Variants in ATP7A observed in about 807,000 individuals in gnomAD.
The protein encoded by ATP7A is ATPase copper transporting alpha.
In ATP7A, 7 loss-of-function variants were observed where a neutral mutation model predicts 83.5. That is an observed-to-expected ratio of 0.08 (90% CI 0.05 to 0.16). The LOEUF is 0.16. Ranked by LOEUF, ATP7A falls within the 10% of genes least tolerant of loss-of-function variation. ATP7A has a pLI of 1.00. For missense variants in ATP7A, 940 were observed against 1,120.8 expected (o/e 0.84, Z 2.30); for synonymous variants, 354 against 395.2 (o/e 0.90, Z 1.24).
chrX:77,913,667 G>T (rs1217039855), intron 1 of ATP7A, among the ~76,000 whole-genome samples: 1 of 112,157 alleles, frequency 8.9e-6, no homozygotes, highest in Non-Finnish European at 1.9e-5. Context: ...TTCCAGCACT[G>T]TTTGCAAATT....
At chrX:77,977,437 G>T (rs142748544) in intron 2 of ATP7A, among the ~76,000 whole-genome samples, 3 of 112,336 alleles carry the variant, frequency 2.7e-5, no homozygotes, top group Non-Finnish European at 5.6e-5. Flanking sequence ...TCCACTGACA[G>T]CTAAAGTATT....
chrX:78,036,732 T>G (rs781809282), intron 17 of ATP7A, among the ~76,000 whole-genome samples: 1 of 110,411 alleles, frequency 9.1e-6, no homozygotes, highest in East Asian at 2.9e-4. Flanking sequence ...AATACAGAAA[T>G]TAGTCGGGCG....
intron 17 of ATP7A, among the ~76,000 whole-genome samples, chrX:78,038,521 T>G (rs1428455124): frequency 4.5e-5 from 5 of 111,755 alleles, no homozygotes; most frequent in African/African-American, 1.6e-4. Flanking sequence ...TTGATTGAAT[T>G]TTTATGGAAG....
At chrX:77,955,216 T>C (rs982293550) in intron 1 of ATP7A, among the ~76,000 whole-genome samples, 1 of 111,908 alleles carries the variant, frequency 8.9e-6, no homozygotes, top group African/African-American at 3.2e-5. Context: ...ACAAAAACAA[T>C]GTATAACATT....
At chrX:77,959,371 TC>T (rs782757652) in intron 1 of ATP7A, among the ~76,000 whole-genome samples, 1 of 112,185 alleles carries the variant, frequency 8.9e-6, no homozygotes, top group Non-Finnish European at 1.9e-5. Flanking sequence ...AACTTTTTTT[TC>T]TAAACTATGT....
At chrX:77,973,684 G>T (rs2077561170) in intron 2 of ATP7A, among the ~76,000 whole-genome samples, 1 of 111,374 alleles carries the variant, frequency 9.0e-6, no homozygotes, top group Non-Finnish European at 1.9e-5. Flanking sequence ...AAATTGTTTT[G>T]GTTAGTCTAG....
Position 78,038,992 on chromosome X carries a change from TC to T in ATP7A, c.3658+12del. The T allele has an allele frequency of 8.3e-7, 1 of 1,206,293 alleles. No individual in the cohort carries two copies. Among genetic ancestry groups the T allele is most frequent in the Non-Finnish European group, 1.1e-6 (1 of 890,619 alleles). Reference sequence around the variant, plus strand: ...TTAGTAGCAGTTGATGGTAAGGTTTTCCATAAGTATGCTATAACTCAATGTT... The same window carrying T: ...TTAGTAGCAGTTGATGGTAAGGTTTTCATAAGTATGCTATAACTCAATGTT... On this transcript the variant is annotated intron_variant, in intron 18 of 22. Transcript: ENST00000341514.
chrX:78,027,655 A>G (rs1557236483), intron 14 of ATP7A, among the ~76,000 whole-genome samples: 1 of 112,412 alleles, frequency 8.9e-6, no homozygotes, highest in African/African-American at 3.2e-5. Context: ...CAAAAAGAAT[A>G]AAACTAGAGG....
At chrX:77,981,805 G>A (rs983668487) in intron 2 of ATP7A, among the ~76,000 whole-genome samples, 1 of 111,840 alleles carries the variant, frequency 8.9e-6, no homozygotes, top group African/African-American at 3.2e-5. Context: ...TAAAACATTT[G>A]ATTTTTGAAT....
At chrX:78,041,122 C>A (rs2078044906) in intron 19 of ATP7A, among the ~76,000 whole-genome samples, 1 of 111,255 alleles carries the variant, frequency 9.0e-6, no homozygotes, top group Non-Finnish European at 1.9e-5. Flanking sequence ...ACCAATGGAA[C>A]TATTTTCCTA....
In ATP7A at chrX:78,020,327, G is replaced by A. The variant is rs1427317043; in HGVS notation, c.2710G>A (p.Ala904Thr). 1.2e-5 allele frequency: 14 copies of A among 1,209,741 alleles called. No homozygotes were observed. Among genetic ancestry groups the A allele is most frequent in the Admixed American group, 2.2e-5 (1 of 45,777 alleles). Residue 904 changes from alanine (A) to threonine (T), a missense_variant, in exon 13 of 23, where the codon GCA (alanine) becomes ACA (threonine). This residue lies in a region of ATP7A where 386 missense variants were observed against 502.2 expected (regional missense o/e 0.77). Transcript: ENST00000341514. ...INQNGSLLIC[A>T]THVGADTTLS... ...CCAGAACGGGTCACTGCTTATCTGC[G>A]CAACACATGTTGGAGCAGACACAAC...
At chrX:78,029,113 T>C (rs902758358) in intron 14 of ATP7A, 137 bp from the exon 15 acceptor site, 19 of 638,368 alleles carry the variant, frequency 3.0e-5, no homozygotes, top group Admixed American at 1.2e-4. Flanking sequence ...TACCTGTAAC[T>C]AAAAAATATA....
chrX:77,929,319 G>T (rs1349556202), intron 1 of ATP7A, among the ~76,000 whole-genome samples: 1 of 111,557 alleles, frequency 9.0e-6, no homozygotes, highest in East Asian at 2.8e-4. Flanking sequence ...TGTACCCAAA[G>T]AATTGCTTGA....
chrX:77,953,752 T>C (rs1245514299), intron 1 of ATP7A, among the ~76,000 whole-genome samples: 2 of 112,412 alleles, frequency 1.8e-5, no homozygotes, highest in Non-Finnish European at 3.8e-5. Context: ...TTTGGCTGGT[T>C]TTACTTTATG....
At chrX:77,984,962 C>G (rs1432525175) in intron 2 of ATP7A, among the ~76,000 whole-genome samples, 1 of 111,861 alleles carries the variant, frequency 8.9e-6, no homozygotes, top group Non-Finnish European at 1.9e-5. Context: ...TTTTCTTATG[C>G]CTTTTATAAA....
intron 1 of ATP7A, among the ~76,000 whole-genome samples, chrX:77,932,071 G>A (rs1460265530): frequency 9.0e-6 from 1 of 111,328 alleles, no homozygotes; most frequent in African/African-American, 3.3e-5. Context: ...TCCCGGATGG[G>A]GTGGCTGCCG....
chrX:78,009,018 A>C (rs2077797903), intron 6 of ATP7A, 84 bp from the exon 7 acceptor site: 1 of 138,565 alleles, frequency 7.2e-6, no homozygotes, highest in Non-Finnish European at 1.2e-5. Context: ...ACTCTGTCTC[A>C]AAAAAAAAAA....
intron 19 of ATP7A, 49 bp downstream of exon 19, chrX:78,040,782 A>G (rs1557238293): frequency 8.5e-7 from 1 of 1,171,949 alleles, no homozygotes; most frequent in Non-Finnish European, 1.2e-6. Context: ...TATACATTTT[A>G]TATCTTGCCT....
chrX:77,958,889 A>G (rs1488081605), intron 1 of ATP7A, among the ~76,000 whole-genome samples: 1 of 106,871 alleles, frequency 9.4e-6, no homozygotes, highest in Non-Finnish European at 1.9e-5. Flanking sequence ...CCAGGGTTCA[A>G]GTGATTCTCC....
Sources: allele counts gnomAD v4.1 joint callset (sites outside exome capture counted in the v4.1 genomes callset), GRCh38; gene constraint gnomAD v4.1.1; regional missense constraint gnomAD v4.1.1; transcripts MANE v1.5; gene names NCBI Gene and HGNC (gene_info 2026-07-23, HGNC 2026-07-21).